The following CDH10 variants were observed in gnomAD, a reference collection of about 807,000 sequenced individuals.
The protein encoded by CDH10 is cadherin 10.
CDH10 carries 30 observed loss-of-function variants against 73.1 expected under a neutral mutation model. The observed-to-expected ratio is 0.41, with a 90% CI of 0.31 to 0.56. The LOEUF is 0.56. Among genes scored for constraint, CDH10 ranks in the 20% least tolerant of loss-of-function variants. The pLI is 0.27. For missense variants in CDH10, 815 were observed against 973.7 expected (o/e 0.84, Z 2.17); for synonymous variants, 345 against 348.2 (o/e 0.99, Z 0.10).
At chr5:24,583,087 A>G (rs1264076337) in intron 2 of CDH10, among the ~76,000 whole-genome samples, 1 of 152,110 alleles carries the variant, frequency 6.6e-6, no homozygotes, top group Non-Finnish European at 1.5e-5. Flanking sequence ...AACGTCCTTT[A>G]AAAATGTTAA....
intron 5 of CDH10, among the ~76,000 whole-genome samples, chr5:24,516,187 G>A (rs1743102119): frequency 6.6e-6 from 1 of 152,130 alleles, no homozygotes; most frequent in Non-Finnish European, 1.5e-5. Context: ...ATGCATTTTT[G>A]TCAAGACTAT....
intron 1 of CDH10, among the ~76,000 whole-genome samples, chr5:24,631,550 T>C (rs1043733209): frequency 6.6e-6 from 1 of 152,014 alleles, no homozygotes; most frequent in Admixed American, 6.6e-5. Context: ...ATCAGCTTCA[T>C]CTTTTAATAC....
At position 24,497,433 on chromosome 5, in the gene CDH10, T is replaced by C. The variant is rs574051472; in HGVS notation, c.1515+965A>G. Among the ~76,000 whole-genome samples, 4 of 152,134 alleles carry C rather than the reference T, an allele frequency of 2.6e-5. No individual in the cohort carries two copies. The East Asian group carries it at 7.8e-4, about 30-fold the overall frequency. On this transcript the variant is annotated intron_variant, in intron 9 of 11. Transcript: ENST00000264463. Reference sequence around the variant, plus strand: ...GGAAGCAACTAAGTCATTTAAATATTCCAAATTAAACATTTCCATAACATT... The same window carrying C: ...GGAAGCAACTAAGTCATTTAAATATCCCAAATTAAACATTTCCATAACATT...
chr5:24,509,591 G>T lies in CDH10; in HGVS notation c.1231C>A (p.Pro411Thr), dbSNP rs966812667. 1 of 1,613,812 alleles carries T rather than the reference G, an allele frequency of 6.2e-7. No homozygotes were observed. Among genetic ancestry groups the T allele is most frequent in the Non-Finnish European group, 8.5e-7 (1 of 1,179,894 alleles). Reference protein sequence around the residue: ...TIIGTVMARDPDSISSPIRFS... With the variant: ...TIIGTVMARDTDSISSPIRFS... ...CTAATGGGGCTGGAAATAGAATCTG[G>T]GTCCCTTGCCATTACAGTACCAATG... is the stretch of plus-strand genomic sequence containing the variant. Residue 411 changes from proline (P) to threonine (T), a missense_variant, in exon 7 of 12, where the codon CCA (proline) becomes ACA (threonine). Physicochemically the swap from Pro to Thr is conservative, Grantham distance 38. Around this residue, in one of 3 missense-constraint regions of CDH10, gnomAD observed 516 missense variants for 636.6 expected, o/e 0.81. Transcript: ENST00000264463.
At chr5:24,546,375 A>C (rs1171379681) in intron 2 of CDH10, among the ~76,000 whole-genome samples, 1 of 152,124 alleles carries the variant, frequency 6.6e-6, no homozygotes, top group Non-Finnish European at 1.5e-5. Flanking sequence ...TCACAAGGAA[A>C]AGGGATTGCT....
chr5:24,619,342 C>T (rs1387688171), intron 1 of CDH10, among the ~76,000 whole-genome samples: 1 of 152,068 alleles, frequency 6.6e-6, no homozygotes, highest in Non-Finnish European at 1.5e-5. Context: ...TACAGGCACC[C>T]ACCACCACGC....
intron 2 of CDH10, among the ~76,000 whole-genome samples, chr5:24,573,158 AT>A (rs1456001136): frequency 6.6e-6 from 1 of 151,902 alleles, no homozygotes; most frequent in African/African-American, 2.4e-5. Context: ...ACAATGAAAA[AT>A]AAATATATAA....
At chr5:24,610,136 C>G (rs376387786) in intron 1 of CDH10, among the ~76,000 whole-genome samples, 1 of 152,208 alleles carries the variant, frequency 6.6e-6, no homozygotes, top group African/African-American at 2.4e-5. Flanking sequence ...TATCCTGAGA[C>G]AGTTCTGCAA....
intron 2 of CDH10, among the ~76,000 whole-genome samples, chr5:24,592,322 G>A (rs1448941669): frequency 6.6e-6 from 1 of 151,842 alleles, no homozygotes; most frequent in African/African-American, 2.4e-5. Context: ...TGTCAAGGCA[G>A]TGATGTATGC....
At chr5:24,516,894 T>A (rs1379142794) in intron 5 of CDH10, among the ~76,000 whole-genome samples, 2 of 151,722 alleles carry the variant, frequency 1.3e-5, no homozygotes, top group Non-Finnish European at 2.9e-5. Context: ...GTATTAAAAA[T>A]TAAAAAAATA....
intron 7 of CDH10, among the ~76,000 whole-genome samples, chr5:24,508,952 A>C (rs574575416): frequency 6.6e-6 from 1 of 152,300 alleles, no homozygotes; most frequent in East Asian, 1.9e-4. Context: ...AGGGATCAGA[A>C]CAATAAACAC....
intron 11 of CDH10, 86 bp downstream of exon 11, chr5:24,491,490 T>C (rs1283286903): frequency 5.0e-6 from 6 of 1,203,098 alleles, no homozygotes; most frequent in Non-Finnish European, 7.0e-6. Flanking sequence ...GGGGTGGTTT[T>C]GGGGGAGGGA....
intron 1 of CDH10, among the ~76,000 whole-genome samples, chr5:24,635,462 G>A (rs910591283): frequency 4.0e-5 from 6 of 151,762 alleles, no homozygotes; most frequent in Admixed American, 1.3e-4. Context: ...CTTTCCTATC[G>A]TTTTCAAAAT....
At chr5:24,597,348 C>T (rs1746404064) in intron 1 of CDH10, among the ~76,000 whole-genome samples, 2 of 152,132 alleles carry the variant, frequency 1.3e-5, no homozygotes, top group African/African-American at 4.8e-5. Flanking sequence ...CTTTGACTGG[C>T]AAAGCTGTAG....
At chr5:24,609,318 A>T (rs1746865241) in intron 1 of CDH10, among the ~76,000 whole-genome samples, 1 of 152,028 alleles carries the variant, frequency 6.6e-6, no homozygotes, top group Non-Finnish European at 1.5e-5. Context: ...GTGGAACGAT[A>T]GTTGGGGGGA....
chr5:24,627,304 T>G (rs1747542596), intron 1 of CDH10, among the ~76,000 whole-genome samples: 1 of 152,066 alleles, frequency 6.6e-6, no homozygotes, highest in African/African-American at 2.4e-5. Context: ...AATAAAACAG[T>G]GTTTAAAATA....
At chr5:24,627,447 TA>T (rs1438766859) in intron 1 of CDH10, among the ~76,000 whole-genome samples, 2 of 152,110 alleles carry the variant, frequency 1.3e-5, no homozygotes, top group African/African-American at 4.8e-5. Context: ...AGTGAAATAA[TA>T]GATCACATAT....
Position 24,487,596 on chromosome 5 carries a change from T to C in CDH10, c.*67A>G, listed in dbSNP as rs1741885322. 6.8e-7 allele frequency: 1 copy of C among 1,460,994 alleles called. No homozygotes were observed. The highest frequency in any genetic ancestry group is 9.2e-7 in the Non-Finnish European group (1 of 1,082,576). 90.5% of individuals were successfully genotyped at this position (1,460,994 alleles called of 1,614,324 possible). Reference sequence around the variant, plus strand: ...CAGGAAAATGCTCCTGAATATCAAATATTGTGAAGTGGAGACAGCATGGGT... The same window carrying C: ...CAGGAAAATGCTCCTGAATATCAAACATTGTGAAGTGGAGACAGCATGGGT... On this transcript the variant is annotated 3_prime_UTR_variant, in exon 12 of 12. Coordinates refer to ENST00000264463, the MANE Select transcript of CDH10 (RefSeq NM_006727.5).
chr5:24,609,745 G>T (rs1275897092), intron 1 of CDH10: 9 of 152,340 alleles, frequency 5.9e-5, no homozygotes, highest in Non-Finnish European at 1.3e-4. Flanking sequence ...TTTGATTTCT[G>T]CTCTTTCTTC....
Sources: gnomAD v4.1 joint callset for allele counts (sites outside exome capture counted in the v4.1 genomes callset) on GRCh38, gnomAD v4.1.1 for gene constraint, gnomAD v4.1.1 regional missense constraint, MANE v1.5 for transcripts, NCBI Gene and HGNC (gene_info 2026-07-23, HGNC 2026-07-21) for gene names.